The following PEAK1 variants were observed in gnomAD, a reference collection of about 807,000 sequenced individuals.
The protein encoded by PEAK1 is inactive tyrosine-protein kinase PEAK1.
Under a neutral mutation model 124.7 loss-of-function variants are expected in PEAK1, and 54 were observed. The ratio of observed to expected loss-of-function variants is 0.43; its 90% confidence interval spans 0.35 to 0.54. The LOEUF is 0.54. Among genes scored for constraint, PEAK1 ranks in the 20% least tolerant of loss-of-function variants. PEAK1 has a pLI of 0.01. For missense variants in PEAK1, 2,046 were observed against 2,134.5 expected, an observed-to-expected ratio of 0.96 and a Z score of 0.82; for synonymous variants, 719 against 760.0, an observed-to-expected ratio of 0.95 and a Z score of 0.89.
chr15:77,392,028 C>A (rs1002064739), intron 1 of PEAK1, among the ~76,000 whole-genome samples: 2 of 152,138 alleles, frequency 1.3e-5, no homozygotes, highest in Non-Finnish European at 2.9e-5. Context: ...AAACTATGAT[C>A]CTGTATATAC....
At chr15:77,240,782 T>C (rs1358213901) in intron 6 of PEAK1, among the ~76,000 whole-genome samples, 1 of 152,112 alleles carries the variant, frequency 6.6e-6, no homozygotes, top group African/African-American at 2.4e-5. Context: ...GAATTCAATA[T>C]ATATTAACAT....
intron 2 of PEAK1, among the ~76,000 whole-genome samples, chr15:77,288,718 G>A (rs559072443): frequency 3.4e-4 from 52 of 152,162 alleles, no homozygotes; most frequent in African/African-American, 1.2e-3. Flanking sequence ...CGAGGCAGGC[G>A]GATCACGAAG....
chr15:77,293,640 C>A (rs1427202907), intron 2 of PEAK1, among the ~76,000 whole-genome samples: 1 of 152,108 alleles, frequency 6.6e-6, no homozygotes, highest in Non-Finnish European at 1.5e-5. Flanking sequence ...TATAGAATTA[C>A]TTAAACGTAG....
chr15:77,112,036 G>C lies in PEAK1; in HGVS notation c.*2120C>G, dbSNP rs1277145677. Reference sequence around the variant, plus strand: ...AACACCAACCTTCAAGGCAAGGCGCGGCCATGCCACAGGACACCAAGAGCA... The same window carrying C: ...AACACCAACCTTCAAGGCAAGGCGCCGCCATGCCACAGGACACCAAGAGCA... On this transcript the variant is annotated 3_prime_UTR_variant, in exon 10 of 10. Coordinates refer to ENST00000682557, the MANE Select transcript of PEAK1 (RefSeq NM_001385026.1). 6.6e-6 allele frequency: 1 copy of C among 152,230 alleles called. No homozygotes were observed. The highest frequency in any genetic ancestry group is 1.5e-5 in the Non-Finnish European group (1 of 68,116). The allele number at this position is 152,230 out of a possible 1,614,324, so 9.4% of individuals were successfully genotyped here. A position where few individuals can be genotyped will look rare whatever the true frequency, so the allele number is the denominator to read the frequency against.
At chr15:77,231,353 T>G (rs2059903407) in intron 6 of PEAK1, among the ~76,000 whole-genome samples, 1 of 152,168 alleles carries the variant, frequency 6.6e-6, no homozygotes, top group African/African-American at 2.4e-5. Flanking sequence ...AAAAAAGGAA[T>G]CTCTACTGGT....
chr15:77,299,435 T>A (rs8037426), intron 2 of PEAK1, among the ~76,000 whole-genome samples: 60,887 of 152,008 alleles, frequency 0.4, 12,574 homozygotes, highest in East Asian at 0.65. Flanking sequence ...ATAACCATAA[T>A]ACGATCATCA....
chr15:77,105,731 T>C (rs1036314830), downstream of PEAK1: 3 of 152,332 alleles, frequency 2.0e-5, no homozygotes, highest in African/African-American at 7.2e-5. Flanking sequence ...CCCCAGGCAA[T>C]GGAGAGCTCC....
intron 1 of PEAK1, among the ~76,000 whole-genome samples, chr15:77,378,926 C>T (rs561422007): frequency 1.1e-4 from 17 of 152,198 alleles, no homozygotes; most frequent in African/African-American, 2.2e-4. Flanking sequence ...TGTGTAAGTC[C>T]GAGGATTTTG....
intron 5 of PEAK1, chr15:77,278,405 G>A (rs1307538763): frequency 2.3e-5 from 7 of 307,478 alleles, no homozygotes; most frequent in African/African-American, 1.1e-4. Flanking sequence ...CAGGGAGAAC[G>A]ACCCCCAGAC....
chr15:77,252,067 G>C (rs544357886), intron 6 of PEAK1, among the ~76,000 whole-genome samples: 24 of 152,254 alleles, frequency 1.6e-4, no homozygotes, highest in African/African-American at 5.5e-4. Flanking sequence ...ATCCCTCATG[G>C]GCTAAGCTCT....
intron 5 of PEAK1, among the ~76,000 whole-genome samples, chr15:77,260,473 C>G (rs1238384795): frequency 6.6e-6 from 1 of 151,332 alleles, no homozygotes; most frequent in Non-Finnish European, 1.5e-5. Flanking sequence ...AAATGGCAGG[C>G]AAAGACATTA....
At chr15:77,271,404 C>T (rs891003376) in intron 5 of PEAK1, among the ~76,000 whole-genome samples, 1 of 152,204 alleles carries the variant, frequency 6.6e-6, no homozygotes, top group Admixed American at 6.5e-5. Flanking sequence ...TTAGAAATAC[C>T]GTTTGACCCA....
chr15:77,317,534 G>A (rs1837959052), intron 2 of PEAK1, among the ~76,000 whole-genome samples: 1 of 152,004 alleles, frequency 6.6e-6, no homozygotes. Flanking sequence ...CCTTATCAGG[G>A]AGACAACCTT....
chr15:77,406,225 G>A (rs17386174), intron 1 of PEAK1, among the ~76,000 whole-genome samples: 11,720 of 152,194 alleles, frequency 0.077, 556 homozygotes, highest in Non-Finnish European at 0.1. Flanking sequence ...TTAGCAGTAT[G>A]GATGTAGCCA....
intron 6 of PEAK1, among the ~76,000 whole-genome samples, chr15:77,186,258 A>G (rs945504313): frequency 1.3e-5 from 2 of 152,236 alleles, no homozygotes; most frequent in African/African-American, 4.8e-5. Context: ...TAACCAAGTT[A>G]AACAGACTCT....
At chr15:77,338,148 T>C in intron 2 of PEAK1, 3 of 970,210 alleles carry the variant, frequency 3.1e-6, no homozygotes, top group Middle Eastern at 5.3e-4. Context: ...GCATGGACAA[T>C]TAATACAGCA....
chr15:77,224,976 A>G (rs927321409), intron 6 of PEAK1, among the ~76,000 whole-genome samples: 6 of 151,806 alleles, frequency 4.0e-5, no homozygotes, highest in African/African-American at 1.2e-4. Flanking sequence ...CACTCCATCC[A>G]TATGCAATCA....
At position 77,109,488 on chromosome 15, in the gene PEAK1, A is replaced by G. The variant is rs981791416; in HGVS notation, c.*4668T>C. 6.6e-5 allele frequency: 10 copies of G among 152,268 alleles called. No individual in the cohort carries two copies. Among genetic ancestry groups the G allele is most frequent in the Non-Finnish European group, 1.5e-4 (10 of 68,052 alleles). 9.4% of individuals were successfully genotyped at this position (152,268 alleles called of 1,614,324 possible). On this transcript the variant is annotated 3_prime_UTR_variant, in exon 10 of 10. Coordinates refer to ENST00000682557, the MANE Select transcript of PEAK1 (RefSeq NM_001385026.1). The stretch of plus-strand genomic sequence containing the variant: ...TCATCTTAGAAGCATCAGGATAAAA[A>G]GGCTTGATTTCTTTGGTATAATCTC...
At chr15:77,224,930 G>C (rs1413275300) in intron 6 of PEAK1, among the ~76,000 whole-genome samples, 3 of 151,672 alleles carry the variant, frequency 2.0e-5, no homozygotes, top group Non-Finnish European at 4.4e-5. Flanking sequence ...TTGTTCTGGT[G>C]GTCTCCTATC....
Sources: allele counts gnomAD v4.1 joint callset (sites outside exome capture counted in the v4.1 genomes callset), GRCh38; gene constraint gnomAD v4.1.1; transcripts MANE v1.5; gene names NCBI Gene and HGNC (gene_info 2026-07-23, HGNC 2026-07-21).